The following ZNF880 variants were observed in gnomAD, a reference collection of about 807,000 sequenced individuals.
The protein encoded by ZNF880 is zinc finger protein 880.
A neutral mutation model predicts 11.8 loss-of-function variants in ZNF880; 12 were observed. The ratio of observed to expected loss-of-function variants is 1.02; its 90% CI spans 0.65 to 1.65. ZNF880 has a LOEUF of 1.65. Among genes scored for constraint, ZNF880 ranks in the 40% most tolerant of loss-of-function variants. The probability of loss-of-function intolerance (pLI) is 0.00; values close to 1 mark genes in which losing one functional copy is unlikely to be tolerated. For missense variants in ZNF880, 601 were observed against 673.9 expected, an observed-to-expected ratio of 0.89 and a Z score of 1.20; for synonymous variants, 210 against 232.4, an observed-to-expected ratio of 0.90 and a Z score of 0.88.
chr19:52,393,353 G>A, the ZNF880 span, among the ~76,000 whole-genome samples: 1 of 151,838 alleles, frequency 6.6e-6, no homozygotes, highest in African/African-American at 2.4e-5. Flanking sequence ...GATTACAGGT[G>A]TGAGCCACCA....
At position 52,373,005 on chromosome 19, in the gene ZNF880, C is replaced by A. The variant is rs1986433020; in HGVS notation, c.13-106C>A. 5.4e-6 allele frequency: 6 copies of A among 1,104,492 alleles called. No individual in the cohort carries two copies. In the Admixed American group the frequency reaches 5.6e-5, roughly 10 times the overall value. 68.4% of individuals were successfully genotyped at this position (1,104,492 alleles called of 1,614,324 possible). A position where few individuals can be genotyped will look rare whatever the true frequency, so the allele number is the denominator to read the frequency against. Reference sequence around the variant, plus strand: ...AAACATATAACTAGCTAAAAAAATACCTTAACGTGGATTTGTCAGAACATC... The same window carrying A: ...AAACATATAACTAGCTAAAAAAATAACTTAACGTGGATTTGTCAGAACATC... On this transcript the variant is annotated intron_variant, in intron 1 of 3. Coordinates refer to ENST00000422689, the MANE Select transcript of ZNF880 (RefSeq NM_001145434.2).
chr19:52,369,998 A>G (rs1600244815), intron 1 of ZNF880, 21 bp downstream of exon 1: 2 of 1,551,450 alleles, frequency 1.3e-6, no homozygotes, highest in African/African-American at 1.4e-5. Context: ...CTTTGTTTAG[A>G]TTAAATCTGG....
upstream of ZNF880, among the ~76,000 whole-genome samples, chr19:52,368,416 C>T (rs1032849253): frequency 6.6e-6 from 1 of 152,116 alleles, no homozygotes; most frequent in African/African-American, 2.4e-5. Flanking sequence ...TCTTCTGGAA[C>T]TTGTTTGAAG....
At chr19:52,373,883 C>A (rs1986471080) in intron 2 of ZNF880, among the ~76,000 whole-genome samples, 1 of 150,812 alleles carries the variant, frequency 6.6e-6, no homozygotes, top group Admixed American at 6.6e-5. Flanking sequence ...ATTGGTCAGG[C>A]TAGTCTTGAA....
Position 52,373,172 on chromosome 19 carries a change from AC to A in ZNF880, c.77del (p.Pro26LeufsTer10). 1 of 1,613,324 alleles carries A rather than the reference AC, an allele frequency of 6.2e-7. No individual in the cohort carries two copies. The highest frequency in any genetic ancestry group is 8.5e-7 in the Non-Finnish European group (1 of 1,179,564). On this transcript the variant is annotated frameshift_variant, in exon 2 of 4. Transcript: ENST00000422689. LOFTEE classifies it high-confidence loss of function. Reference sequence around the variant, plus strand: ...CCTCAGGAGGAGTGGAAATGTCTGGACCCTGCTCAGAGGACTTTATACAGGG... The same window carrying A: ...CCTCAGGAGGAGTGGAAATGTCTGGACCTGCTCAGAGGACTTTATACAGGG... ...EFPQEEWKCL[D>X]PAQRTLYREV... is the part of the protein sequence containing the mutation.
the ZNF880 span, among the ~76,000 whole-genome samples, chr19:52,393,888 G>C: frequency 7.8e-5 from 11 of 140,304 alleles, no homozygotes; most frequent in Admixed American, 6.1e-4. Context: ...CCAGGCTGGA[G>C]TGCAGTGGCG....
chr19:52,381,259 A>G (rs1001146987), intron 3 of ZNF880, among the ~76,000 whole-genome samples: 1 of 152,108 alleles, frequency 6.6e-6, no homozygotes, highest in Non-Finnish European at 1.5e-5. Context: ...CTCATTCTGT[A>G]CTTAGGAGCT....
intron 1 of ZNF880, 142 bp downstream of exon 1, chr19:52,370,119 G>A: frequency 8.8e-7 from 1 of 1,134,686 alleles, no homozygotes; most frequent in South Asian, 1.3e-5. Flanking sequence ...TCTAATGAGA[G>A]TCTGGCGGTC....
At chr19:52,390,344 C>CGT (rs2058703371), downstream of ZNF880, 1 of 428,830 alleles carries the variant, frequency 2.3e-6, no homozygotes, top group African/African-American at 2.0e-5. Flanking sequence ...CCAGGGAGGC[C>CGT]GTGAACTCTT....
intron 1 of ZNF880, 126 bp from the exon 2 acceptor site, chr19:52,372,985 T>A: frequency 6.7e-6 from 5 of 747,226 alleles, no homozygotes; most frequent in African/African-American, 1.9e-5. Flanking sequence ...ATTAGAAACA[T>A]ATAACTAGCT....
intron 3 of ZNF880, among the ~76,000 whole-genome samples, chr19:52,376,289 A>T (rs1322782800): frequency 6.6e-6 from 1 of 152,134 alleles, no homozygotes; most frequent in Admixed American, 6.6e-5. Flanking sequence ...CCAGCAGTGT[A>T]AAGTGGTCCC....
chr19:52,383,750 C>A (rs2122405861), intron 3 of ZNF880, 99 bp from the exon 4 acceptor site: 1 of 1,250,152 alleles, frequency 8.0e-7, no homozygotes, highest in Non-Finnish European at 1.1e-6. Flanking sequence ...ATATTCCTTC[C>A]CATGTCTGAG....
At position 52,374,337 on chromosome 19, in the gene ZNF880, G is replaced by A. The variant is rs1327622109; in HGVS notation, c.178G>A (p.Glu60Lys). 4 of 1,613,454 alleles carry A rather than the reference G, an allele frequency of 2.5e-6. No individual in the cohort carries two copies. Among genetic ancestry groups the A allele is most frequent in the Non-Finnish European group, 3.4e-6 (4 of 1,179,906 alleles). ...TGACCTGAGTGTTATCTCCATGTTG[G>A]AGCAAAGGAGAGATCCCCGGAATCT... The part of the protein sequence containing the change: ...LPDLSVISML[E>K]QRRDPRNLQS... The change falls in exon 3 of 4, where the codon GAG becomes AAG. Residue 60 changes from glutamate (E) to lysine (K), a missense_variant. Transcript: ENST00000422689.
At chr19:52,369,625 C>T (rs922588603), upstream of ZNF880, among the ~76,000 whole-genome samples, 1 of 152,084 alleles carries the variant, frequency 6.6e-6, no homozygotes, top group African/African-American at 2.4e-5. Flanking sequence ...CTGCAGCCTC[C>T]ACCTCATGGG....
chr19:52,390,322 G>T, downstream of ZNF880: 2 of 402,202 alleles, frequency 5.0e-6, no homozygotes, highest in Non-Finnish European at 5.1e-6. Context: ...GCGCAGCGAC[G>T]CAGCCCCAGT....
At chr19:52,379,109 A>AACTTG (rs3070398) in intron 3 of ZNF880, among the ~76,000 whole-genome samples, 54,494 of 151,576 alleles carry the variant, frequency 0.36, 10,048 homozygotes, top group South Asian at 0.51. Context: ...AAAATAAATG[A>AACTTG]ACTTATTTGT....
intron 3 of ZNF880, among the ~76,000 whole-genome samples, chr19:52,377,581 T>TA (rs1255608946): frequency 6.6e-5 from 10 of 152,160 alleles, no homozygotes; most frequent in African/African-American, 2.4e-4. Flanking sequence ...CTTTCCTTCT[T>TA]ACCAACCAGC....
intron 3 of ZNF880, among the ~76,000 whole-genome samples, chr19:52,382,706 G>A (rs1986739594): frequency 6.6e-6 from 1 of 152,108 alleles, no homozygotes; most frequent in Admixed American, 6.5e-5. Flanking sequence ...TATCAAGACT[G>A]TTTCTTTGTC....
chr19:52,373,754 A>G (rs1057079371), intron 2 of ZNF880, among the ~76,000 whole-genome samples: 1 of 144,584 alleles, frequency 6.9e-6, no homozygotes, highest in Admixed American at 7.1e-5. Flanking sequence ...GCTCAATGCA[A>G]CCTCCGCCTC....
Sources: allele counts gnomAD v4.1 joint callset (sites outside exome capture counted in the v4.1 genomes callset), GRCh38; gene constraint gnomAD v4.1.1; transcripts MANE v1.5; gene names NCBI Gene and HGNC (gene_info 2026-07-23, HGNC 2026-07-21).